Variants in BTBD9 observed in about 807,000 individuals in gnomAD.
BTBD9 encodes BTB/POZ domain-containing protein 9.
BTBD9 carries 49 observed loss-of-function variants against 64.3 expected under a neutral mutation model. That is an observed-to-expected ratio of 0.76 (90% confidence interval 0.61 to 0.97). The LOEUF (loss-of-function observed/expected upper bound fraction) is 0.97. BTBD9 is among the 50% of genes least tolerant of loss of function. BTBD9 has a pLI of 0.00. For missense variants in BTBD9, 598 were observed against 762.1 expected, an observed-to-expected ratio of 0.78 and a Z score of 2.53; for synonymous variants, 260 against 274.7, an observed-to-expected ratio of 0.95 and a Z score of 0.53.
chr6:38,262,557 AG>A (rs1764830878), intron 8 of BTBD9, among the ~76,000 whole-genome samples: 1 of 151,652 alleles, frequency 6.6e-6, no homozygotes, highest in Non-Finnish European at 1.5e-5. Context: ...ATTGATTACC[AG>A]GGGTTCAGTT....
intron 6 of BTBD9, among the ~76,000 whole-genome samples, chr6:38,374,297 G>GTGTATATATATATATATATA (rs1582317340): frequency 3.7e-5 from 2 of 53,698 alleles, no homozygotes; most frequent in East Asian, 5.9e-4. Context: ...ATATATATAT[G>GTGTATATATATATATATATA]TATATATATG....
intron 6 of BTBD9, among the ~76,000 whole-genome samples, chr6:38,394,711 A>C (rs1236354176): frequency 6.6e-6 from 1 of 151,914 alleles, no homozygotes; most frequent in Non-Finnish European, 1.5e-5. Flanking sequence ...CTCTTAGATC[A>C]CTTTCTCTGG....
At chr6:38,261,995 G>C (rs1399158886) in intron 8 of BTBD9, among the ~76,000 whole-genome samples, 1 of 152,184 alleles carries the variant, frequency 6.6e-6, no homozygotes, top group Non-Finnish European at 1.5e-5. Context: ...ACTGAAAAAA[G>C]CAACTGCAGC....
chr6:38,253,470 A>G (rs1242843460), intron 9 of BTBD9, among the ~76,000 whole-genome samples: 1 of 152,204 alleles, frequency 6.6e-6, no homozygotes, highest in Non-Finnish European at 1.5e-5. Context: ...CATGGGGATT[A>G]CAGGTCCCTC....
At position 38,326,451 on chromosome 6, in the gene BTBD9, G is replaced by C. The variant is rs185994360; in HGVS notation, c.1264+18533C>G. Among the ~76,000 whole-genome samples the C allele has an allele frequency of 5.9e-5, 9 of 152,192 alleles. No homozygotes were observed. In the East Asian group the frequency reaches 1.5e-3, roughly 26 times the overall value. On this transcript the variant is annotated intron_variant, in intron 7 of 10. Coordinates refer to ENST00000481247, the MANE Select transcript of BTBD9 (RefSeq NM_001099272.2). ...AGAGCATCCCGATAAGACAACGCTG[G>C]GGGGAGCGTGGAGAACAGCAAAAAA...
intron 7 of BTBD9, among the ~76,000 whole-genome samples, chr6:38,324,583 A>G (rs1253883997): frequency 1.3e-5 from 2 of 152,178 alleles, no homozygotes; most frequent in Admixed American, 6.5e-5. Flanking sequence ...GGTAGCTTGT[A>G]CTAGGGTAAC....
At chr6:38,602,071 T>C (rs182093298) in intron 1 of BTBD9, among the ~76,000 whole-genome samples, 2 of 152,298 alleles carry the variant, frequency 1.3e-5, no homozygotes, top group East Asian at 1.9e-4. Flanking sequence ...TCCAATATTA[T>C]AAAAAGATCC....
intron 4 of BTBD9, among the ~76,000 whole-genome samples, chr6:38,592,181 CAAA>C (rs199989280): frequency 2.7e-5 from 3 of 110,696 alleles, no homozygotes; most frequent in Admixed American, 9.4e-5. Context: ...AACTCCATCT[CAAA>C]AAAAAAAAAA....
At chr6:38,607,364 C>T (rs913296170) in intron 1 of BTBD9, among the ~76,000 whole-genome samples, 13 of 152,060 alleles carry the variant, frequency 8.5e-5, no homozygotes, top group African/African-American at 2.9e-4. Context: ...AAAGTAATTC[C>T]ATTTTATGCA....
chr6:38,272,515 A>G (rs1420361663), intron 8 of BTBD9, among the ~76,000 whole-genome samples: 1 of 152,208 alleles, frequency 6.6e-6, no homozygotes, highest in African/African-American at 2.4e-5. Flanking sequence ...TCTTTAATGA[A>G]ACCAATTTTA....
At chr6:38,525,708 G>C (rs1773459632) in intron 6 of BTBD9, among the ~76,000 whole-genome samples, 1 of 152,228 alleles carries the variant, frequency 6.6e-6, no homozygotes, top group African/African-American at 2.4e-5. Context: ...CTATGCTTTA[G>C]CAAAGAGACT....
At chr6:38,294,309 C>G (rs571198684) in intron 7 of BTBD9, among the ~76,000 whole-genome samples, 85 of 152,306 alleles carry the variant, frequency 5.6e-4, no homozygotes, top group African/African-American at 1.9e-3. Flanking sequence ...CCAGCCATCT[C>G]ATTACTGGGT....
intron 6 of BTBD9, among the ~76,000 whole-genome samples, chr6:38,488,432 G>A (rs994431227): frequency 6.6e-5 from 10 of 152,144 alleles, no homozygotes; most frequent in African/African-American, 1.2e-4. Flanking sequence ...GCAAGGAACC[G>A]TATAGAAACT....
rs530635442 is a variant in BTBD9 at position 38,524,308 on chromosome 6, G to C, written c.1154+53292C>G. Among the ~76,000 whole-genome samples, 71 of 151,898 alleles carry C rather than the reference G, an allele frequency of 4.7e-4. 2 individuals carry two copies. The South Asian group carries it at 0.011, about 24-fold the overall frequency. ...ATTTCCAAATGATAGAACAGTATCAGGAAAAAACTAATTATTACATATTAT... is the reference window on the plus strand; with the variant it reads ...ATTTCCAAATGATAGAACAGTATCACGAAAAAACTAATTATTACATATTAT... On this transcript the variant is annotated intron_variant, in intron 6 of 10. Transcript: ENST00000481247.
chr6:38,576,855 A>C (rs1776058503), intron 6 of BTBD9, among the ~76,000 whole-genome samples: 1 of 152,254 alleles, frequency 6.6e-6, no homozygotes, highest in African/African-American at 2.4e-5. Flanking sequence ...AAACAAATTC[A>C]CTAATTTGTA....
rs374185129 is a variant in BTBD9, at chr6:38,370,247, CTTTGAATATATTATT to C, written c.1155-25169_1155-25155del. ...CCAGTATTACTCACTCAGCCTGCCT[CTTTGAATATATTATT>C]TTTGTGTAAATGGTAGGGCAATCAT... is the stretch of plus-strand genomic sequence containing the variant. On this transcript the variant is annotated intron_variant, in intron 6 of 10. Transcript: ENST00000481247. Among the ~76,000 whole-genome samples the C allele has an allele frequency of 6.5e-3, 993 of 152,306 alleles. 8 individuals are homozygous for C. The highest frequency in any genetic ancestry group is 0.023 in the African/African-American group (940 of 41,570).
chr6:38,179,655 C>G (rs1031123539), intron 10 of BTBD9: 2 of 456,662 alleles, frequency 4.4e-6, no homozygotes, highest in African/African-American at 4.0e-5. Context: ...CACTCTTCTG[C>G]AAATGGCGAG....
chr6:38,577,242 T>C (rs1335785703), intron 6 of BTBD9, among the ~76,000 whole-genome samples: 3 of 152,220 alleles, frequency 2.0e-5, no homozygotes, highest in African/African-American at 7.2e-5. Context: ...ATAAGAAGAA[T>C]GCACCCCCTA....
chr6:38,182,637 A>G (rs1255086096), intron 10 of BTBD9, among the ~76,000 whole-genome samples: 1 of 152,088 alleles, frequency 6.6e-6, no homozygotes, highest in Non-Finnish European at 1.5e-5. Context: ...CTCCGCATGT[A>G]CCTTCTGTCT....
Sources: allele counts gnomAD v4.1 joint callset (sites outside exome capture counted in the v4.1 genomes callset), GRCh38; gene constraint gnomAD v4.1.1; transcripts MANE v1.5; gene names NCBI Gene and HGNC (gene_info 2026-07-23, HGNC 2026-07-21).